ACAN: variants seen among roughly 807,000 people sequenced by gnomAD.
ACAN encodes aggrecan core protein.
ACAN carries 47 observed loss-of-function variants against 169.1 expected under a neutral mutation model. The observed-to-expected ratio is 0.28, with a 90% CI of 0.22 to 0.35. The LOEUF is 0.35. Ranked by LOEUF, ACAN falls within the 10% of genes least tolerant of loss-of-function variation. ACAN has a pLI of 1.00. For synonymous variants in ACAN, 1,115 were observed against 1,112.2 expected, an observed-to-expected ratio of 1.00 and a Z score of -0.05; for missense variants, 2,716 against 2,759.9, an observed-to-expected ratio of 0.98 and a Z score of 0.36.
In ACAN at chr15:88,859,192, T is replaced by C; in HGVS notation, c.6607T>C (p.Ser2203Pro). The C allele has an allele frequency of 1.2e-6, 2 of 1,613,840 alleles. No individual in the cohort carries two copies. The highest frequency in any genetic ancestry group is 1.7e-6 in the Non-Finnish European group (2 of 1,179,882). ...GDRTEISGDL[S>P]GHTSQLGVVI... The stretch of plus-strand genomic sequence containing the variant: ...CAGGACTGAAATCAGCGGAGACCTG[T>C]CTGGTCACACCTCGCAGCTGGGCGT... Residue 2203 changes from serine to proline, a missense_variant, in exon 12 of 19, where the codon TCT becomes CCT. Ser to Pro is a moderately conservative substitution (Grantham distance 74). Coordinates refer to ENST00000560601, the MANE Select transcript of ACAN (RefSeq NM_001369268.1).
intron 1 of ACAN, among the ~76,000 whole-genome samples, chr15:88,832,648 A>AT (rs1209353019): frequency 6.6e-6 from 1 of 152,154 alleles, no homozygotes; most frequent in Admixed American, 6.5e-5. Flanking sequence ...GATGATGGTC[A>AT]TTTTTTTCCC....
Position 88,851,931 on chromosome 15 carries a change from C to A in ACAN, c.2164C>A (p.Pro722Thr), listed in dbSNP as rs267604364. Reference protein sequence around the residue: ...VPVEEETTAVPSGETTAILEF... With the variant: ...VPVEEETTAVTSGETTAILEF... ...CGTAGAAGAGGAGACAACTGCTGTA[C>A]CCTCAGGGGAGACTACTGCCATCCT... Residue 722 changes from proline (P) to threonine (T), a missense_variant, in exon 11 of 19, where the codon CCC becomes ACC. Around this residue, in one of 3 missense-constraint regions of ACAN, gnomAD observed 1,283 missense variants for 1,281.5 expected, o/e 1.00. Coordinates refer to ENST00000560601, the MANE Select transcript of ACAN (RefSeq NM_001369268.1). This position sits in a 1 kb window ranked among gnomAD's most constrained non-coding sequence, Gnocchi z 4.3. 3.7e-6 allele frequency: 6 copies of A among 1,612,732 alleles called. No homozygotes were observed. The highest frequency in any genetic ancestry group is 5.1e-6 in the Non-Finnish European group (6 of 1,179,458).
chr15:88,853,761 CAT>C (rs1896984614), intron 11 of ACAN, among the ~76,000 whole-genome samples: 2 of 140,290 alleles, frequency 1.4e-5, no homozygotes, highest in African/African-American at 3.3e-5. Context: ...TAGATACATA[CAT>C]ACATACATAC....
chr15:88,844,339 T>C (rs891555777), intron 6 of ACAN, among the ~76,000 whole-genome samples: 4 of 149,332 alleles, frequency 2.7e-5, no homozygotes, highest in African/African-American at 9.9e-5. Flanking sequence ...CTTGTCATGT[T>C]GCCCAGGCTG....
rs200790606 is a variant in ACAN, at chr15:88,860,319, G to A, written c.6833-7G>A. On this transcript the variant is annotated splice_region_variant and splice_polypyrimidine_tract_variant and intron_variant, in intron 12 of 18. Transcript: ENST00000560601. ...TTGATGCTCAACCTCTCCCCTGGGG[G>A]TTGCAGCCCCCGCCAGGTCCTGTGC... The A allele has an allele frequency of 6.2e-7, 1 of 1,601,944 alleles. No homozygotes were observed. Among genetic ancestry groups the A allele is most frequent in the Non-Finnish European group, 8.5e-7 (1 of 1,174,012 alleles).
At position 88,872,097 on chromosome 15, in the gene ACAN, T is replaced by C; in HGVS notation, c.7302+12T>C. The C allele has an allele frequency of 6.2e-7, 1 of 1,612,722 alleles. No individual in the cohort carries two copies. The highest frequency in any genetic ancestry group is 2.2e-5 in the East Asian group (1 of 44,854). On this transcript the variant is annotated intron_variant, in intron 16 of 18. Coordinates refer to ENST00000560601, the MANE Select transcript of ACAN (RefSeq NM_001369268.1). This position sits in a 1 kb window ranked among gnomAD's most constrained non-coding sequence, Gnocchi z 5.4. ...ATGGACACCCCATGGTGAGTTCTGCTGTAGGCACAGCTGGTGGCCCAGGGG... is the reference window on the plus strand; with the variant it reads ...ATGGACACCCCATGGTGAGTTCTGCCGTAGGCACAGCTGGTGGCCCAGGGG...
chr15:88,836,365 C>T (rs1463598403), intron 2 of ACAN, 89 bp downstream of exon 2: 1 of 1,161,082 alleles, frequency 8.6e-7, no homozygotes, highest in African/African-American at 1.5e-5. Context: ...GCTACTGGTC[C>T]CAGGGATATA....
intron 1 of ACAN, among the ~76,000 whole-genome samples, chr15:88,830,668 A>G (rs1315157657): frequency 6.6e-6 from 1 of 152,222 alleles, no homozygotes; most frequent in Non-Finnish European, 1.5e-5. Flanking sequence ...TATAAAAGAT[A>G]AACAATGGTA....
chr15:88,809,966 C>T (rs1895777737), intron 1 of ACAN, among the ~76,000 whole-genome samples: 1 of 152,314 alleles, frequency 6.6e-6, no homozygotes, highest in South Asian at 2.1e-4. Context: ...AAGCCACTAG[C>T]CAAAGGGGTG....
rs781579675 is a variant in ACAN, at chr15:88,860,359, G to A, written c.6866G>A (p.Gly2289Glu). Reference protein sequence around the residue: ...PARSCAEEPCGAGTCKETEGH... With the variant: ...PARSCAEEPCEAGTCKETEGH... ...AGGTCCTGTGCAGAGGAGCCCTGTGGAGCTGGGACCTGCAAGGAGACAGAG... is the reference window on the plus strand; with the variant it reads ...AGGTCCTGTGCAGAGGAGCCCTGTGAAGCTGGGACCTGCAAGGAGACAGAG... Residue 2289 changes from glycine to glutamate, a missense_variant, in exon 13 of 19, where the codon GGA (glycine) becomes GAA (glutamate). Around this residue, in one of 3 missense-constraint regions of ACAN, gnomAD observed 1,389 missense variants for 1,363.7 expected, o/e 1.02. Coordinates refer to ENST00000560601, the MANE Select transcript of ACAN (RefSeq NM_001369268.1). The A allele has an allele frequency of 1.2e-6, 2 of 1,613,296 alleles. No individual in the cohort carries two copies. The highest frequency in any genetic ancestry group is 1.7e-6 in the Non-Finnish European group (2 of 1,179,738).
At chr15:88,804,058 C>T (rs182789158) in intron 1 of ACAN, among the ~76,000 whole-genome samples, 38 of 152,268 alleles carry the variant, frequency 2.5e-4, no homozygotes, top group African/African-American at 8.9e-4. Context: ...TCTCCTAGTC[C>T]GCCAGGATGA....
chr15:88,858,945 C>A lies in ACAN; in HGVS notation c.6360C>A (p.Ser2120Arg). ...GFGASAAPEA[S>R]REDSGSPDLS... is the part of the protein sequence containing the mutation. ...GGGCATCTGCCGCCCCTGAGGCCAGCAGAGAAGATTCTGGGTCCCCTGATC... is the reference window on the plus strand; with the variant it reads ...GGGCATCTGCCGCCCCTGAGGCCAGAAGAGAAGATTCTGGGTCCCCTGATC... The change falls in exon 12 of 19, where the codon AGC becomes AGA. Residue 2120 changes from serine (S) to arginine (R), a missense_variant. Ser to Arg is a moderately radical substitution (Grantham distance 110). This residue lies in a region of ACAN where 1,389 missense variants were observed against 1,363.7 expected (regional missense o/e 1.02). Transcript: ENST00000560601. This position sits in a 1 kb window ranked among gnomAD's most constrained non-coding sequence, Gnocchi z 4.0. 1 of 1,611,742 alleles carries A rather than the reference C, an allele frequency of 6.2e-7. No individual in the cohort carries two copies. Among genetic ancestry groups the A allele is most frequent in the Non-Finnish European group, 8.5e-7 (1 of 1,178,152 alleles).
At chr15:88,813,167 G>T (rs1895862449) in intron 1 of ACAN, among the ~76,000 whole-genome samples, 1 of 152,226 alleles carries the variant, frequency 6.6e-6, no homozygotes, top group African/African-American at 2.4e-5. Context: ...ACAGTAGGTG[G>T]TCAAGAAAAG....
intron 1 of ACAN, among the ~76,000 whole-genome samples, chr15:88,833,806 G>A (rs1896428114): frequency 7.1e-6 from 1 of 140,120 alleles, no homozygotes; most frequent in African/African-American, 2.7e-5. Flanking sequence ...AGCCGTCCAA[G>A]CCCCACAGAG....
rs1329366180 is a variant in ACAN, at chr15:88,807,300, AG to A, written c.-8+3495del. Reference sequence around the variant, plus strand: ...GACAGGCCAGCAGCTGCCCTGGGAAAGGGGATCAGGAGCACATCTTGGGAAC... The same window carrying A: ...GACAGGCCAGCAGCTGCCCTGGGAAAGGGATCAGGAGCACATCTTGGGAAC... On this transcript the variant is annotated intron_variant, in intron 1 of 18. Coordinates refer to ENST00000560601, the MANE Select transcript of ACAN (RefSeq NM_001369268.1). This position sits in a 1 kb window ranked among gnomAD's most constrained non-coding sequence, Gnocchi z 4.0. 2.6e-5 allele frequency among the ~76,000 whole-genome samples: 4 copies of A among 152,212 alleles called. No homozygotes were observed.
chr15:88,857,275 ACTGACCTCAGTGGGCTTCCTT>A lies in ACAN; in HGVS notation c.4694_4714del (p.Asp1565_Ser1571del), dbSNP rs563535889. On this transcript the variant is annotated inframe_deletion, in exon 12 of 19. Coordinates refer to ENST00000560601, the MANE Select transcript of ACAN (RefSeq NM_001369268.1). The stretch of plus-strand genomic sequence containing the variant: ...AGAGACCTCTGCTTCTGAAGTAGGG[ACTGACCTCAGTGGGCTTCCTT>A]CTGGAAGGGAGGGTCTAGAGACTTC... 1.2e-4 allele frequency: 186 copies of A among 1,612,552 alleles called. 2 individuals carry two copies. In the Middle Eastern group the frequency reaches 2.0e-3, roughly 17 times the overall value.
chr15:88,835,082 G>A (rs190805315), intron 1 of ACAN, among the ~76,000 whole-genome samples: 10 of 152,346 alleles, frequency 6.6e-5, no homozygotes, highest in Admixed American at 6.5e-4. Context: ...TAGCAGGAGA[G>A]CTACAGCTTC....
At chr15:88,820,297 A>G (rs1896043237) in intron 1 of ACAN, among the ~76,000 whole-genome samples, 1 of 152,170 alleles carries the variant, frequency 6.6e-6, no homozygotes. Context: ...GCTGTGATCG[A>G]GGACGGCAAA....
At chr15:88,837,404 G>C (rs1248509211) in intron 2 of ACAN, among the ~76,000 whole-genome samples, 1 of 152,198 alleles carries the variant, frequency 6.6e-6, no homozygotes. Flanking sequence ...AGGAAGATAG[G>C]ACATAGAACT....
Sources: allele counts gnomAD v4.1 joint callset (sites outside exome capture counted in the v4.1 genomes callset), GRCh38; gene constraint gnomAD v4.1.1; regional missense constraint gnomAD v4.1.1; non-coding constraint Gnocchi (gnomAD v3.1); transcripts MANE v1.5; gene names NCBI Gene and HGNC (gene_info 2026-07-23, HGNC 2026-07-21).